Variants in ZBBX observed in about 807,000 individuals in gnomAD.
ZBBX encodes the protein zinc finger B-box domain containing, also known as zinc finger B-box domain-containing protein 1.
Under a neutral mutation model 108.5 loss-of-function variants are expected in ZBBX, and 101 were observed. The observed-to-expected ratio is 0.93, with a 90% CI of 0.79 to 1.10. ZBBX has a LOEUF of 1.10. ZBBX is among the 50% of genes least tolerant of loss of function. The probability of loss-of-function intolerance (pLI) is 0.00; values close to 1 mark genes in which losing one functional copy is unlikely to be tolerated. For missense variants in ZBBX, 1,009 were observed against 941.4 expected, an observed-to-expected ratio of 1.07 and a Z score of -0.94; for synonymous variants, 356 against 323.4, an observed-to-expected ratio of 1.10 and a Z score of -1.08.
chr3:167,179,975 C>A, the ZBBX span, among the ~76,000 whole-genome samples: 1 of 152,114 alleles, frequency 6.6e-6, no homozygotes, highest in African/African-American at 2.4e-5. Flanking sequence ...TTTCCAGGAT[C>A]ACATCCATGT....
chr3:167,242,567 C>A lies in ZBBX; in HGVS notation c.2331G>T (p.Gln777His). 6.2e-7 allele frequency: 1 copy of A among 1,613,738 alleles called. No individual in the cohort carries two copies. Among genetic ancestry groups the A allele is most frequent in the Non-Finnish European group, 8.5e-7 (1 of 1,179,842 alleles). The change falls in exon 21 of 22, where the codon CAG (glutamine) becomes CAT (histidine). Residue 777 changes from glutamine (Q) to histidine (H), a missense_variant. By Grantham distance (24) the Gln-to-His change is conservative (BLOSUM62 0). Transcript: ENST00000675490. ...DFSSQSLNIS[Q>H]ISTDFLKTSH... The stretch of plus-strand genomic sequence containing the variant: ...AGGTCTTAAGGAAATCTGTGGAAAT[C>A]TGACTTATATTCAGTGATTGGCTGC...
chr3:167,281,201 G>C (rs4528944), intron 20 of ZBBX, among the ~76,000 whole-genome samples: 61,490 of 151,852 alleles, frequency 0.4, 13,179 homozygotes, highest in East Asian at 0.73. Context: ...CATGTATGCA[G>C]AGGTACCAGC....
intron 20 of ZBBX, among the ~76,000 whole-genome samples, chr3:167,275,419 C>T (rs1315455309): frequency 1.3e-5 from 2 of 151,824 alleles, no homozygotes; most frequent in African/African-American, 2.4e-5. Context: ...TCAGTGGGTG[C>T]GCGCACTGTG....
the ZBBX span, among the ~76,000 whole-genome samples, chr3:167,195,670 T>C: frequency 2.6e-5 from 4 of 152,164 alleles, no homozygotes; most frequent in African/African-American, 9.7e-5. Flanking sequence ...AACAAACATA[T>C]TTATAAAATC....
chr3:167,302,874 T>C (rs1732970423), intron 17 of ZBBX, among the ~76,000 whole-genome samples: 1 of 152,190 alleles, frequency 6.6e-6, no homozygotes, highest in African/African-American at 2.4e-5. Flanking sequence ...TCTTAGGAAA[T>C]CCAATTATTT....
At chr3:167,247,828 C>G (rs1445961079) in intron 20 of ZBBX, among the ~76,000 whole-genome samples, 1 of 152,152 alleles carries the variant, frequency 6.6e-6, no homozygotes, top group African/African-American at 2.4e-5. Context: ...GAATGTGAAA[C>G]TGTCATGTCT....
At chr3:167,320,732 G>C (rs754343946) in intron 12 of ZBBX, among the ~76,000 whole-genome samples, 1 of 151,892 alleles carries the variant, frequency 6.6e-6, no homozygotes. Context: ...TTGACATCAC[G>C]ATCCCAGAAT....
upstream of ZBBX, among the ~76,000 whole-genome samples, chr3:167,385,120 G>A (rs938213372): frequency 1.3e-5 from 2 of 152,002 alleles, no homozygotes; most frequent in African/African-American, 4.8e-5. Context: ...TATGTTCTAA[G>A]AAATATGTGA....
At position 167,304,086 on chromosome 3, in the gene ZBBX, C is replaced by T. The variant is rs547765406; in HGVS notation, c.1725+1557G>A. ...TATTGGCCTTCATAAATGGAGCAGT[C>T]CATACTGTCTTATTCTTAAGTTCTT... On this transcript the variant is annotated intron_variant, in intron 17 of 21. Coordinates refer to ENST00000675490, the MANE Select transcript of ZBBX (RefSeq NM_001199201.2). 6.6e-5 allele frequency among the ~76,000 whole-genome samples: 10 copies of T among 152,180 alleles called. No individual in the cohort carries two copies. In the South Asian group the frequency reaches 2.1e-3, roughly 32 times the overall value.
At chr3:167,235,017 C>G (rs1253070519), downstream of ZBBX, among the ~76,000 whole-genome samples, 1 of 151,714 alleles carries the variant, frequency 6.6e-6, no homozygotes, top group Non-Finnish European at 1.5e-5. Flanking sequence ...GTTGAAATAA[C>G]ATAGTAAGAT....
intron 20 of ZBBX, among the ~76,000 whole-genome samples, chr3:167,256,606 C>T (rs1158873684): frequency 7.0e-6 from 1 of 142,610 alleles, no homozygotes; most frequent in Non-Finnish European, 1.5e-5. Context: ...CCACCCCACC[C>T]CACCCCACCC....
chr3:167,357,977 G>A (rs1047664207), intron 8 of ZBBX, among the ~76,000 whole-genome samples: 3 of 152,076 alleles, frequency 2.0e-5, no homozygotes, highest in Non-Finnish European at 4.4e-5. Flanking sequence ...ATTGAACAAT[G>A]AATACACATG....
At chr3:167,178,960 T>G in the ZBBX span, among the ~76,000 whole-genome samples, 3 of 152,060 alleles carry the variant, frequency 2.0e-5, no homozygotes, top group African/African-American at 7.2e-5. Flanking sequence ...GAGAATTATA[T>G]GGGATATCAG....
intron 20 of ZBBX, among the ~76,000 whole-genome samples, chr3:167,256,641 T>C (rs1723584854): frequency 9.0e-6 from 1 of 110,790 alleles, no homozygotes; most frequent in African/African-American, 3.5e-5. Flanking sequence ...TTCAAGCCTC[T>C]GGTAATTATC....
chr3:167,267,994 T>C (rs1201699948), intron 20 of ZBBX, among the ~76,000 whole-genome samples: 2 of 152,038 alleles, frequency 1.3e-5, no homozygotes, highest in Admixed American at 1.3e-4. Flanking sequence ...CATCATGCCA[T>C]AAACCTGTTC....
intron 20 of ZBBX, among the ~76,000 whole-genome samples, chr3:167,278,970 C>T (rs2108510462): frequency 1.3e-5 from 2 of 152,244 alleles, no homozygotes; most frequent in East Asian, 3.9e-4. Context: ...AAATGTAATC[C>T]AGCATATAAA....
At chr3:167,372,683 T>G (rs1024730176) in intron 4 of ZBBX, 151 bp downstream of exon 4, 2 of 481,380 alleles carry the variant, frequency 4.2e-6, no homozygotes, top group African/African-American at 3.9e-5. Context: ...TTTAAACTAT[T>G]ATAGATTTAT....
At chr3:167,252,677 G>A (rs919861244) in intron 20 of ZBBX, among the ~76,000 whole-genome samples, 9 of 151,854 alleles carry the variant, frequency 5.9e-5, no homozygotes, top group African/African-American at 2.2e-4. Flanking sequence ...GCAGTTCACA[G>A]GCTACCAAGT....
chr3:167,397,500 T>C (rs959176532), intron 1 of ZBBX, among the ~76,000 whole-genome samples: 1 of 152,022 alleles, frequency 6.6e-6, no homozygotes, highest in Non-Finnish European at 1.5e-5. Context: ...CTTCGAAAGA[T>C]TGCCTGGTCT....
Sources: allele counts gnomAD v4.1 joint callset (sites outside exome capture counted in the v4.1 genomes callset), GRCh38; gene constraint gnomAD v4.1.1; transcripts MANE v1.5; gene names NCBI Gene and HGNC (gene_info 2026-07-23, HGNC 2026-07-21).